Variants in MYH7 observed in about 807,000 individuals in gnomAD.
The protein encoded by MYH7 is myosin heavy chain 7.
MYH7 carries 129 observed loss-of-function variants against 225.4 expected under a neutral mutation model. The ratio of observed to expected loss-of-function variants is 0.57; its 90% CI spans 0.50 to 0.66. The LOEUF (loss-of-function observed/expected upper bound fraction) is 0.66. MYH7 is among the 30% of genes least tolerant of loss of function. The pLI, the probability that MYH7 is intolerant of heterozygous loss-of-function variation, is 0.00. For missense variants in MYH7, 1,649 were observed against 2,517.0 expected (o/e 0.66, Z 7.38); for synonymous variants, 971 against 1,007.6 (o/e 0.96, Z 0.69).
intron 12 of MYH7, 29 bp downstream of exon 12, chr14:23,429,746 A>G: frequency 6.2e-7 from 1 of 1,610,076 alleles, no homozygotes; most frequent in Non-Finnish European, 8.5e-7. Context: ...ATGACTTGAC[A>G]GCTGCCCCCA....
intron 24 of MYH7, 126 bp from the exon 25 acceptor site, chr14:23,422,451 G>T: frequency 7.8e-7 from 1 of 1,284,154 alleles, no homozygotes. Context: ...CCCAGAGTGG[G>T]CCAAATGTTA....
At position 23,416,045 on chromosome 14, in the gene MYH7, C is replaced by T. The variant is rs1238699518; in HGVS notation, c.4912G>A (p.Glu1638Lys). The T allele has an allele frequency of 2.5e-6, 4 of 1,614,224 alleles. No individual in the cohort carries two copies. The highest frequency in any genetic ancestry group is 3.4e-6 in the Non-Finnish European group (4 of 1,180,042). ...AGGCTCTTGACTTGCTTCTGGGCCTCGGCGGCCATGCGGTTGGCGTGGCTG... is the reference window on the plus strand; with the variant it reads ...AGGCTCTTGACTTGCTTCTGGGCCTTGGCGGCCATGCGGTTGGCGTGGCTG... ...QLSHANRMAA[E>K]AQKQVKSLQS... Residue 1638 changes from glutamate (E) to lysine (K), a missense_variant, in exon 34 of 40, where the codon GAG becomes AAG. By Grantham distance (56) the Glu-to-Lys change is moderately conservative (BLOSUM62 1). Coordinates refer to ENST00000355349, the MANE Select transcript of MYH7 (RefSeq NM_000257.4).
At position 23,415,999 on chromosome 14, in the gene MYH7, A is replaced by G. The variant is rs1008225259; in HGVS notation, c.4953+5T>C. 1.2e-5 allele frequency: 20 copies of G among 1,613,982 alleles called. No individual in the cohort carries two copies. Among genetic ancestry groups the G allele is most frequent in the Non-Finnish European group, 1.5e-5 (18 of 1,180,034 alleles). On this transcript the variant is annotated splice_donor_5th_base_variant and intron_variant, in intron 34 of 39. Transcript: ENST00000355349. This position sits in a 1 kb window ranked among gnomAD's most constrained non-coding sequence, Gnocchi z 6.3. The stretch of plus-strand genomic sequence containing the variant: ...CGTGGAGGCCAGTCCCCTCTGGGTG[A>G]GTACCTTCAACAAGCTCTGGAGGCT...
intron 1 of MYH7, among the ~76,000 whole-genome samples, chr14:23,435,006 G>A (rs985628909): frequency 1.3e-4 from 17 of 133,730 alleles, no homozygotes; most frequent in African/African-American, 1.8e-4. Flanking sequence ...TGTGTGCCAC[G>A]TAAGTAGATC....
In MYH7 at chr14:23,419,906, C is replaced by T. The variant is rs1892399583; in HGVS notation, c.3665G>A (p.Ser1222Asn). ...RVKQKLEKEK[S>N]EFKLELDDVT... is the part of the protein sequence containing the mutation. Reference sequence around the variant, plus strand: ...GTCATCCAGCTCCAGCTTGAACTCGCTCTTCTCCTTCTCCAGCTTCTGCTT... The same window carrying T: ...GTCATCCAGCTCCAGCTTGAACTCGTTCTTCTCCTTCTCCAGCTTCTGCTT... The change falls in exon 27 of 40, where the codon AGC becomes AAC. Residue 1222 changes from serine to asparagine, a missense_variant. Ser to Asn is a conservative substitution (Grantham distance 46, BLOSUM62 1). Around this residue, in one of 12 missense-constraint regions of MYH7, gnomAD observed 106 missense variants for 198.8 expected, o/e 0.53. Transcript: ENST00000355349. 6.2e-7 allele frequency: 1 copy of T among 1,613,224 alleles called. No homozygotes were observed. The highest frequency in any genetic ancestry group is 1.3e-5 in the African/African-American group (1 of 74,812).
chr14:23,422,236 C>T lies in MYH7; in HGVS notation c.3189G>A (p.Gln1063=), dbSNP rs779291256. The T allele has an allele frequency of 1.9e-6, 3 of 1,613,966 alleles. No homozygotes were observed. The highest frequency in any genetic ancestry group is 1.7e-5 in the Admixed American group (1 of 60,024). ...CATTCTCCAGGTCCATGATGCTCTC[C>T]TGGGTCAGCTTCAGGTCGCCCTCCA... ...RKLEGDLKLT[Q]ESIMDLENDK... The change falls in exon 25 of 40, where the codon CAG becomes CAA. Residue 1063 remains glutamine (Q), a synonymous_variant. Coordinates refer to ENST00000355349, the MANE Select transcript of MYH7 (RefSeq NM_000257.4).
rs773977507 is a variant in MYH7 at position 23,415,802 on chromosome 14, G to A, written c.4984C>T (p.Arg1662Cys). 1.1e-5 allele frequency: 17 copies of A among 1,614,078 alleles called. No individual in the cohort carries two copies. The highest frequency in any genetic ancestry group is 4.0e-5 in the African/African-American group (3 of 74,924). ...TTCTCCTTCAGGTCGTCGTTGGCAC[G>A]GACTGCATCGTCCAGCTGAATCTGG... ...DTQIQLDDAV[R>C]ANDDLKENIA... The change falls in exon 35 of 40, where the codon CGT (arginine) becomes TGT (cysteine). Residue 1662 changes from arginine (R) to cysteine (C), a missense_variant. This residue lies in a region of MYH7 where 687 missense variants were observed against 913.8 expected (regional missense o/e 0.75). Coordinates refer to ENST00000355349, the MANE Select transcript of MYH7 (RefSeq NM_000257.4). This position sits in a 1 kb window ranked among gnomAD's most constrained non-coding sequence, Gnocchi z 6.3.
intron 30 of MYH7, chr14:23,417,925 G>A: frequency 1.2e-6 from 1 of 866,432 alleles, no homozygotes; most frequent in African/African-American, 1.6e-5. Context: ...GGAGGTATGG[G>A]CTTCTGCAGC....
At chr14:23,430,187 C>CTACA (rs1892870726) in intron 11 of MYH7, among the ~76,000 whole-genome samples, 1 of 152,180 alleles carries the variant, frequency 6.6e-6, no homozygotes, top group Admixed American at 6.5e-5. Flanking sequence ...CTTCCTGGCC[C>CTACA]TACACTTGCT....
chr14:23,412,906 G>A (rs747810022), intron 39 of MYH7, 35 bp from the exon 40 acceptor site: 1 of 1,611,554 alleles, frequency 6.2e-7, no homozygotes, highest in Non-Finnish European at 8.5e-7. Context: ...TCAGTCCTTG[G>A]AGAGATGGTA....
rs991072776 is a variant in MYH7 at position 23,417,449 on chromosome 14, C to A, written c.4353+54G>T. On this transcript the variant is annotated intron_variant, in intron 31 of 39. Transcript: ENST00000355349. ...AGGATGGCTCTGGCCTCTCACTGAA[C>A]CCCTCATGCCCCCTTGCCCTGCATG... 2.0e-5 allele frequency: 33 copies of A among 1,612,008 alleles called. No individual in the cohort carries two copies. The African/African-American group carries it at 2.9e-4, about 14-fold the overall frequency.
chr14:23,426,576 C>T (rs1847704678), intron 18 of MYH7, among the ~76,000 whole-genome samples: 1 of 152,190 alleles, frequency 6.6e-6, no homozygotes, highest in Admixed American at 6.5e-5. Flanking sequence ...CATCAGAGTG[C>T]CTTACACATC....
In MYH7 at chr14:23,418,235, G is replaced by A. The variant is rs730880910; in HGVS notation, c.4144C>T (p.Arg1382Trp). The A allele has an allele frequency of 1.9e-6, 3 of 1,613,492 alleles. No homozygotes were observed. The highest frequency in any genetic ancestry group is 2.5e-6 in the Non-Finnish European group (3 of 1,180,032). ...TTGGCCTCCTCGAGCTCCTCAGTCC[G>A]CTGAATGGCGTCCGTCTCATACTTG... ...RTKYETDAIQ[R>W]TEELEEAKKK... Residue 1382 changes from arginine to tryptophan, a missense_variant, in exon 30 of 40, where the codon CGG (arginine) becomes TGG (tryptophan). Arg to Trp is a moderately radical substitution (Grantham distance 101). Transcript: ENST00000355349.
At chr14:23,426,902 T>A in intron 17 of MYH7, 38 bp from the exon 18 acceptor site, 1 of 1,546,494 alleles carries the variant, frequency 6.5e-7, no homozygotes, top group Non-Finnish European at 8.9e-7. Flanking sequence ...GTAAAGAAAA[T>A]GCCAGAAAGA....
At position 23,426,967 on chromosome 14, in the gene MYH7, G is replaced by A. The variant is rs774448512; in HGVS notation, c.1957-103C>T. 5.7e-5 allele frequency: 64 copies of A among 1,116,438 alleles called. No homozygotes were observed. In the Admixed American group the frequency reaches 6.3e-4, roughly 11 times the overall value. 69.2% of individuals were successfully genotyped at this position (1,116,438 alleles called of 1,614,324 possible). ...AGGAAAAGAGAGATGGAGAGAATTC[G>A]AGAAGTCACAGAGATGAAGGGGCCC... On this transcript the variant is annotated intron_variant, in intron 17 of 39. Coordinates refer to ENST00000355349, the MANE Select transcript of MYH7 (RefSeq NM_000257.4).
chr14:23,412,876 T>A lies in MYH7; in HGVS notation c.5791-5A>T, dbSNP rs764087252. ...AAGCTACTCCTCATTCAAGCCCTTTTGAAAGGAAACAAAGTCCAATCAGTC... is the reference window on the plus strand; with the variant it reads ...AAGCTACTCCTCATTCAAGCCCTTTAGAAAGGAAACAAAGTCCAATCAGTC... On this transcript the variant is annotated splice_polypyrimidine_tract_variant and splice_region_variant and intron_variant, in intron 39 of 39. Transcript: ENST00000355349. The A allele has an allele frequency of 1.9e-6, 3 of 1,613,880 alleles. No individual in the cohort carries two copies. In the East Asian group the frequency reaches 6.7e-5, roughly 36 times the overall value.
rs1260812612 is a variant in MYH7 at position 23,431,483 on chromosome 14, T to C, written c.733-2A>G. On this transcript the variant is annotated splice_acceptor_variant, in intron 8 of 39. Coordinates refer to ENST00000355349, the MANE Select transcript of MYH7 (RefSeq NM_000257.4). LOFTEE classifies it high-confidence loss of function. Reference sequence around the variant, plus strand: ...AAAATGAATTCGAATGAATTTCCCCTGGAGAGATGGAAGAGAGTGGTGATG... The same window carrying C: ...AAAATGAATTCGAATGAATTTCCCCCGGAGAGATGGAAGAGAGTGGTGATG... 13 of 1,614,016 alleles carry C rather than the reference T, an allele frequency of 8.1e-6. No individual in the cohort carries two copies. The highest frequency in any genetic ancestry group is 1.1e-5 in the Non-Finnish European group (13 of 1,179,982).
At chr14:23,417,430 G>C (rs143650929) in intron 31 of MYH7, 73 bp downstream of exon 31, 9 of 1,611,706 alleles carry the variant, frequency 5.6e-6, no homozygotes, top group South Asian at 2.2e-5. Flanking sequence ...AAGGAGGATG[G>C]CTCTGGCCTC....
intron 2 of MYH7, 63 bp downstream of exon 2, chr14:23,434,131 G>A: frequency 1.0e-6 from 1 of 990,754 alleles, no homozygotes; most frequent in Non-Finnish European, 1.3e-6. Flanking sequence ...CCATAGGCTG[G>A]CTTTGGGGCT....
Sources: allele counts gnomAD v4.1 joint callset (sites outside exome capture counted in the v4.1 genomes callset), GRCh38; gene constraint gnomAD v4.1.1; regional missense constraint gnomAD v4.1.1; non-coding constraint Gnocchi (gnomAD v3.1); transcripts MANE v1.5; gene names NCBI Gene and HGNC (gene_info 2026-07-23, HGNC 2026-07-21).